Variants in POLR3B observed in about 807,000 individuals in gnomAD.
POLR3B encodes the protein DNA-directed RNA polymerase III subunit RPC2.
A neutral mutation model predicts 147.4 loss-of-function variants in POLR3B; 96 were observed. The ratio of observed to expected loss-of-function variants is 0.65; its 90% CI spans 0.55 to 0.77. The LOEUF (loss-of-function observed/expected upper bound fraction) is 0.77, where lower values mean the gene tolerates loss of function less well. Ranked by LOEUF, POLR3B falls within the 30% of genes least tolerant of loss-of-function variation. The probability of loss-of-function intolerance (pLI) is 0.00; values close to 1 mark genes in which losing one functional copy is unlikely to be tolerated. For missense variants in POLR3B, 1,036 were observed against 1,413.5 expected, an observed-to-expected ratio of 0.73 and a Z score of 4.28; for synonymous variants, 461 against 485.9, an observed-to-expected ratio of 0.95 and a Z score of 0.67.
chr12:106,405,819 G>A, intron 10 of POLR3B, 38 bp from the exon 11 acceptor site: 1 of 1,604,660 alleles, frequency 6.2e-7, no homozygotes. Context: ...TACCTCCAGT[G>A]ATGTCATTCA....
chr12:106,371,151 A>G (rs1473757297), intron 6 of POLR3B, among the ~76,000 whole-genome samples: 4 of 149,066 alleles, frequency 2.7e-5, no homozygotes, highest in African/African-American at 1.0e-4. Context: ...CACTTCTCAA[A>G]AGAAGACATT....
intron 19 of POLR3B, among the ~76,000 whole-genome samples, chr12:106,449,607 G>A (rs745769051): frequency 6.6e-6 from 1 of 152,152 alleles, no homozygotes; most frequent in Non-Finnish European, 1.5e-5. Flanking sequence ...TTAAGGAAAT[G>A]ATAAGGAAGA....
intron 16 of POLR3B, among the ~76,000 whole-genome samples, chr12:106,435,283 A>G (rs1230735140): frequency 2.1e-5 from 3 of 144,594 alleles, no homozygotes; most frequent in Non-Finnish European, 4.5e-5. Context: ...AGCTGGGATT[A>G]CAGGCACACA....
chr12:106,438,897 G>C (rs2037614272), intron 18 of POLR3B, among the ~76,000 whole-genome samples: 1 of 152,118 alleles, frequency 6.6e-6, no homozygotes, highest in Non-Finnish European at 1.5e-5. Flanking sequence ...ATTTCTTCTT[G>C]AACAATGATA....
chr12:106,447,834 T>G (rs2037742939), intron 19 of POLR3B, among the ~76,000 whole-genome samples: 1 of 152,214 alleles, frequency 6.6e-6, no homozygotes, highest in Admixed American at 6.5e-5. Context: ...CTACTGGGAC[T>G]TTTTTTAAAG....
chr12:106,433,031 T>A (rs2037530140), intron 15 of POLR3B, among the ~76,000 whole-genome samples: 1 of 152,210 alleles, frequency 6.6e-6, no homozygotes, highest in Non-Finnish European at 1.5e-5. Context: ...GTGCCTGTTC[T>A]CTCCCTAGTA....
intron 9 of POLR3B, among the ~76,000 whole-genome samples, chr12:106,382,241 T>G (rs1593008763): frequency 6.6e-6 from 1 of 152,298 alleles, no homozygotes; most frequent in East Asian, 1.9e-4. Flanking sequence ...TCTGACATAT[T>G]TTCCCCCTTC....
chr12:106,497,348 G>GGAGT (rs1272162388), intron 25 of POLR3B, among the ~76,000 whole-genome samples: 1 of 151,830 alleles, frequency 6.6e-6, no homozygotes, highest in Non-Finnish European at 1.5e-5. Context: ...TAACAATTGA[G>GGAGT]GAGTGCTGTT....
rs544541198 is a variant in POLR3B, at chr12:106,358,032, G to A, written c.72+81G>A. 48 of 1,575,782 alleles carry A rather than the reference G, an allele frequency of 3.0e-5. No individual in the cohort carries two copies. The East Asian group carries it at 1.1e-3, about 35-fold the overall frequency. ...TTGCCCGGAGTGCTCGGGCCGCCAA[G>A]GGGGCGGGCTGGCGGTTTGTGCGCA... On this transcript the variant is annotated intron_variant, in intron 1 of 27. Coordinates refer to ENST00000228347, the MANE Select transcript of POLR3B (RefSeq NM_018082.6).
At chr12:106,379,230 T>G (rs183102500) in intron 8 of POLR3B, among the ~76,000 whole-genome samples, 1 of 152,320 alleles carries the variant, frequency 6.6e-6, no homozygotes, top group Admixed American at 6.5e-5. Flanking sequence ...TAGATAGCCT[T>G]TGAACCCAGA....
In POLR3B at chr12:106,504,225, G is replaced by T; in HGVS notation, c.3243G>T (p.Gly1081=). ...ATGCCTTTGAGGTTGATGTCTGTGG[G>T]CAGTGTGGACTTCTGGGGTATTCTG... The part of the protein sequence containing the change: ...SSDAFEVDVC[G]QCGLLGYSGW... The change falls in exon 27 of 28, where the codon GGG becomes GGT. Residue 1081 remains glycine, a synonymous_variant. Transcript: ENST00000228347. The surrounding 1 kb of genome is among the most constrained non-coding windows in gnomAD (Gnocchi z 4.6). 1 of 1,614,116 alleles carries T rather than the reference G, an allele frequency of 6.2e-7. No homozygotes were observed. The highest frequency in any genetic ancestry group is 8.5e-7 in the Non-Finnish European group (1 of 1,179,974).
intron 26 of POLR3B, among the ~76,000 whole-genome samples, chr12:106,503,797 A>T (rs2038641658): frequency 6.6e-6 from 1 of 152,242 alleles, no homozygotes; most frequent in Non-Finnish European, 1.5e-5. Context: ...GTGATTATAT[A>T]TTAATATGTT....
rs1372079539 is a variant in POLR3B, at chr12:106,376,387, T to C, written c.433T>C (p.Cys145Arg). ...RMPIMLRSSN[C>R]VLTGKTPAEF... ...GCCCATAATGCTACGTAGTTCAAAC[T>C]GTGTTCTTACAGGAAAAACGCCAGC... is the stretch of plus-strand genomic sequence containing the variant. The change falls in exon 7 of 28, where the codon TGT (cysteine) becomes CGT (arginine). Residue 145 changes from cysteine (C) to arginine (R), a missense_variant. Transcript: ENST00000228347. 1 of 1,613,118 alleles carries C rather than the reference T, an allele frequency of 6.2e-7. No homozygotes were observed. The highest frequency in any genetic ancestry group is 1.7e-5 in the Admixed American group (1 of 60,018).
intron 23 of POLR3B, among the ~76,000 whole-genome samples, chr12:106,482,326 C>T (rs1300072934): frequency 6.6e-6 from 1 of 152,148 alleles, no homozygotes; most frequent in African/African-American, 2.4e-5. Flanking sequence ...TTATTCCATT[C>T]TCACACTGCT....
chr12:106,419,393 A>C (rs2037345200), intron 12 of POLR3B, among the ~76,000 whole-genome samples: 1 of 152,262 alleles, frequency 6.6e-6, no homozygotes, highest in Middle Eastern at 3.2e-3. Context: ...AGTTCCACTT[A>C]GGAAATTCCT....
chr12:106,396,990 C>T lies in POLR3B; in HGVS notation c.846+3837C>T, dbSNP rs1047667881. On this transcript the variant is annotated intron_variant, in intron 10 of 27. Transcript: ENST00000228347. ...TGTTTTAATTAGCTGGGCATGGTGG[C>T]GTGTGCCTGTAGTTCTGCTACTTGG... 5.9e-5 allele frequency among the ~76,000 whole-genome samples: 9 copies of T among 151,826 alleles called. No homozygotes were observed. In the South Asian group the frequency reaches 1.0e-3, roughly 18 times the overall value.
At chr12:106,455,041 C>G (rs557268265) in intron 20 of POLR3B, among the ~76,000 whole-genome samples, 3 of 152,142 alleles carry the variant, frequency 2.0e-5, no homozygotes, top group African/African-American at 7.2e-5. Context: ...TGTGTTTTCA[C>G]TGTGTCTAGT....
At chr12:106,370,779 G>A (rs1465980113) in intron 6 of POLR3B, among the ~76,000 whole-genome samples, 11 of 151,892 alleles carry the variant, frequency 7.2e-5, no homozygotes. Flanking sequence ...TTATAGGCGT[G>A]TGCCACCACA....
chr12:106,393,878 C>T (rs1020366597), intron 10 of POLR3B, among the ~76,000 whole-genome samples: 5 of 151,966 alleles, frequency 3.3e-5, no homozygotes, highest in African/African-American at 9.7e-5. Flanking sequence ...GGATTTTAGT[C>T]CCATATTTGC....
Sources: gnomAD v4.1 joint callset for allele counts (sites outside exome capture counted in the v4.1 genomes callset) on GRCh38, gnomAD v4.1.1 for gene constraint, Gnocchi (gnomAD v3.1) non-coding constraint, MANE v1.5 for transcripts, NCBI Gene and HGNC (gene_info 2026-07-23, HGNC 2026-07-21) for gene names.